The following BPTF variants were observed in gnomAD, a reference collection of about 807,000 sequenced individuals.
The protein encoded by BPTF is nucleosome-remodeling factor subunit BPTF.
Under a neutral mutation model 292.5 loss-of-function variants are expected in BPTF, and 18 were observed. The ratio of observed to expected loss-of-function variants is 0.06; its 90% CI spans 0.04 to 0.09. BPTF has a LOEUF of 0.09. BPTF is among the 10% of genes least tolerant of loss of function. BPTF has a pLI of 1.00. For missense variants in BPTF, 2,726 were observed against 3,498.7 expected, an observed-to-expected ratio of 0.78 and a Z score of 5.57; for synonymous variants, 1,225 against 1,251.9, an observed-to-expected ratio of 0.98 and a Z score of 0.45.
chr17:67,873,086 A>C (rs541088691), intron 3 of BPTF, among the ~76,000 whole-genome samples: 1 of 152,198 alleles, frequency 6.6e-6, no homozygotes, highest in South Asian at 2.1e-4. Context: ...GTCTCTAAAA[A>C]AGTAAAAAAT....
In BPTF at chr17:67,854,022, C is replaced by T. The variant is rs372870037; in HGVS notation, c.696C>T (p.Ser232=). The change falls in exon 2 of 28, where the codon TCC becomes TCT. Residue 232 remains serine (S), a synonymous_variant. Coordinates refer to ENST00000306378, the MANE Select transcript of BPTF (RefSeq NM_182641.4). This position sits in a 1 kb window ranked among gnomAD's most constrained non-coding sequence, Gnocchi z 5.6. ...TCCCGCCCCTTGAATTTCCCAAGTC[C>T]TCTGAGGATTTAATGGTGCCTAATG... ...KDIPPLEFPK[S]SEDLMVPNEH... is the part of the protein sequence containing the mutation. 9.3e-6 allele frequency: 15 copies of T among 1,614,168 alleles called. No homozygotes were observed. The highest frequency in any genetic ancestry group is 1.2e-5 in the Non-Finnish European group (14 of 1,180,034).
In BPTF at chr17:67,903,777, A is replaced by G. The variant is rs763708404; in HGVS notation, c.2544-12A>G. ...CCAAGTTAACATTGTCTTTCTATGCATGAATTCTTAGGTTACACCGGATGA... is the reference window on the plus strand; with the variant it reads ...CCAAGTTAACATTGTCTTTCTATGCGTGAATTCTTAGGTTACACCGGATGA... On this transcript the variant is annotated splice_polypyrimidine_tract_variant and intron_variant, in intron 7 of 27. Transcript: ENST00000306378. 2.6e-6 allele frequency: 4 copies of G among 1,528,000 alleles called. No homozygotes were observed. Among genetic ancestry groups the G allele is most frequent in the Non-Finnish European group, 3.5e-6 (4 of 1,144,370 alleles). The allele number at this position is 1,528,000 out of a possible 1,614,324, so 94.7% of individuals were successfully genotyped here.
chr17:67,946,424 A>G (rs1555675505), intron 21 of BPTF, 99 bp downstream of exon 21: 16 of 1,482,600 alleles, frequency 1.1e-5, no homozygotes, highest in African/African-American at 1.4e-5. Flanking sequence ...TAAATGAGAC[A>G]AAGTCATTAA....
intron 18 of BPTF, among the ~76,000 whole-genome samples, chr17:67,938,826 A>G (rs2065134873): frequency 6.6e-6 from 1 of 152,236 alleles, no homozygotes; most frequent in African/African-American, 2.4e-5. Context: ...AATAGTTTCT[A>G]AAAATATGTA....
chr17:67,979,630 T>C (rs2070070395), intron 27 of BPTF, among the ~76,000 whole-genome samples: 1 of 152,188 alleles, frequency 6.6e-6, no homozygotes, highest in African/African-American at 2.4e-5. Context: ...TTTTAAATTA[T>C]AGGGAAATAA....
chr17:67,944,127 T>C (rs1482766604), intron 19 of BPTF, 23 bp from the exon 20 acceptor site: 1 of 1,569,274 alleles, frequency 6.4e-7, no homozygotes. Flanking sequence ...GAACACTGTT[T>C]ACATGTTGTG....
chr17:67,953,422 AT>A (rs553159162), intron 23 of BPTF, among the ~76,000 whole-genome samples: 1 of 147,384 alleles, frequency 6.8e-6, no homozygotes, highest in Admixed American at 6.8e-5. Context: ...CACTCGGCTA[AT>A]TTTTTTTTGT....
chr17:67,929,092 C>A, intron 16 of BPTF: 2 of 1,298,220 alleles, frequency 1.5e-6, no homozygotes, highest in South Asian at 4.2e-5. Context: ...GCAAGATTGT[C>A]GCTGTAAATG....
At chr17:67,892,058 A>G in intron 5 of BPTF, 24 bp downstream of exon 5, 1 of 1,494,640 alleles carries the variant, frequency 6.7e-7, no homozygotes, top group Non-Finnish European at 9.0e-7. Flanking sequence ...GTTTAAAACA[A>G]AAATCTGTGG....
chr17:67,908,357 C>T (rs1598577979), intron 9 of BPTF, among the ~76,000 whole-genome samples: 2 of 151,960 alleles, frequency 1.3e-5, no homozygotes, highest in East Asian at 3.8e-4. Flanking sequence ...TGGGGTTTCA[C>T]CTTGTTGGGC....
chr17:67,922,848 A>G lies in BPTF; in HGVS notation c.5566A>G (p.Thr1856Ala). ...TGATTTCCTTTCCAAAGAAACGCCT[A>G]CACCTCAGAGGAAAGGCCTTCGATC... ...GVPETPKETP[T>A]PQRKGLRSSA... The change falls in exon 14 of 28, where the codon ACA (threonine) becomes GCA (alanine). Residue 1856 changes from threonine (T) to alanine (A), a missense_variant. Coordinates refer to ENST00000306378, the MANE Select transcript of BPTF (RefSeq NM_182641.4). 6 of 1,603,522 alleles carry G rather than the reference A, an allele frequency of 3.7e-6. No individual in the cohort carries two copies. The highest frequency in any genetic ancestry group is 5.1e-6 in the Non-Finnish European group (6 of 1,177,466).
chr17:67,957,726 T>A (rs2067092876), intron 23 of BPTF, among the ~76,000 whole-genome samples: 1 of 152,182 alleles, frequency 6.6e-6, no homozygotes, highest in African/African-American at 2.4e-5. Context: ...CTGGGCATGG[T>A]AGTGAGCACC....
chr17:67,915,431 A>C (rs1598624303), intron 11 of BPTF, among the ~76,000 whole-genome samples: 1 of 152,198 alleles, frequency 6.6e-6, no homozygotes, highest in Non-Finnish European at 1.5e-5. Context: ...TCCCTTTACA[A>C]CCCATCCAGT....
intron 15 of BPTF, among the ~76,000 whole-genome samples, chr17:67,926,614 G>A (rs1477633925): frequency 3.3e-5 from 5 of 152,096 alleles, no homozygotes; most frequent in East Asian, 1.9e-4. Flanking sequence ...GTGAGCCACC[G>A]CACCCAGCCA....
intron 18 of BPTF, among the ~76,000 whole-genome samples, chr17:67,933,832 G>A (rs1397108368): frequency 1.3e-5 from 2 of 152,090 alleles, no homozygotes; most frequent in Non-Finnish European, 2.9e-5. Flanking sequence ...GCCGAGATGG[G>A]CAGATCACCT....
At chr17:67,979,583 A>G (rs535476776) in intron 27 of BPTF, among the ~76,000 whole-genome samples, 3 of 152,306 alleles carry the variant, frequency 2.0e-5, no homozygotes, top group Non-Finnish European at 4.4e-5. Context: ...TTCGACTTTT[A>G]GAATCACCCT....
chr17:67,832,017 G>T (rs759103454), intron 1 of BPTF, among the ~76,000 whole-genome samples: 6 of 151,818 alleles, frequency 4.0e-5, no homozygotes, highest in Admixed American at 6.6e-5. Flanking sequence ...TCAGCCTCCC[G>T]AGTAGGGGAC....
At chr17:67,981,542 A>C in intron 27 of BPTF, 1 of 1,095,846 alleles carries the variant, frequency 9.1e-7, no homozygotes, top group South Asian at 2.2e-5. Context: ...ATTGCCCCCC[A>C]AAAAGTCAGA....
At chr17:67,893,918 T>C in intron 6 of BPTF, 116 bp from the exon 7 acceptor site, 2 of 1,334,916 alleles carry the variant, frequency 1.5e-6, no homozygotes, top group Non-Finnish European at 2.1e-6. Context: ...TGGAGGATTT[T>C]TAGGAGTCAT....
Sources: allele counts gnomAD v4.1 joint callset (sites outside exome capture counted in the v4.1 genomes callset), GRCh38; gene constraint gnomAD v4.1.1; non-coding constraint Gnocchi (gnomAD v3.1); transcripts MANE v1.5; gene names NCBI Gene and HGNC (gene_info 2026-07-23, HGNC 2026-07-21).